The following RSPO2 variants were observed in gnomAD, a reference collection of about 807,000 sequenced individuals.
RSPO2 encodes R-spondin-2.
Under a neutral mutation model 30.9 loss-of-function variants are expected in RSPO2, and 14 were observed. The observed-to-expected ratio is 0.45, with a 90% CI of 0.30 to 0.71. The LOEUF (loss-of-function observed/expected upper bound fraction) is 0.71, where lower values mean the gene tolerates loss of function less well. RSPO2 is among the 30% of genes least tolerant of loss of function. RSPO2 has a pLI of 0.08. For synonymous variants in RSPO2, 107 were observed against 96.4 expected (o/e 1.11, Z -0.64); for missense variants, 264 against 301.9 (o/e 0.87, Z 0.93).
chr8:107,988,043 G>A (rs1009260099), intron 3 of RSPO2, among the ~76,000 whole-genome samples: 1 of 151,822 alleles, frequency 6.6e-6, no homozygotes, highest in Non-Finnish European at 1.5e-5. Flanking sequence ...TAAAATTTGA[G>A]TTCCTTAAAG....
At position 107,955,489 on chromosome 8, in the gene RSPO2, G is replaced by A. The variant is rs189720425; in HGVS notation, c.616+2591C>T. On this transcript the variant is annotated intron_variant, in intron 5 of 5. Coordinates refer to ENST00000276659, the MANE Select transcript of RSPO2 (RefSeq NM_178565.5). ...AAAAAACAAGACAACTGATCTAAAG[G>A]AAAAGTTTGGGAATGAAGACTGAGT... Among the ~76,000 whole-genome samples the A allele has an allele frequency of 2.0e-3, 300 of 152,128 alleles. 2 individuals are homozygous for A. Among genetic ancestry groups the A allele is most frequent in the African/African-American group, 6.8e-3 (282 of 41,492 alleles).
chr8:108,032,497 C>T (rs943207418), intron 2 of RSPO2, among the ~76,000 whole-genome samples: 12 of 152,184 alleles, frequency 7.9e-5, no homozygotes, highest in African/African-American at 2.7e-4. Context: ...GTGTCCTAGT[C>T]ACATACCCTA....
At position 107,900,891 on chromosome 8, in the gene RSPO2, A is replaced by G. The variant is rs2130234192; in HGVS notation, c.*184T>C. ...ACTTACTCCTGCCTTCACAGTCTCC[A>G]GATTCAAATCAAAGCATAAATAACA... On this transcript the variant is annotated 3_prime_UTR_variant, in exon 6 of 6. Transcript: ENST00000276659. The G allele has an allele frequency of 5.0e-6, 3 of 597,538 alleles. No individual in the cohort carries two copies. The highest frequency in any genetic ancestry group is 5.3e-5 in the South Asian group (2 of 37,748). The allele number at this position is 597,538 out of a possible 1,614,324, so 37.0% of individuals were successfully genotyped here.
chr8:107,906,675 T>A (rs552573900), intron 5 of RSPO2, among the ~76,000 whole-genome samples: 1 of 152,080 alleles, frequency 6.6e-6, no homozygotes, highest in Middle Eastern at 3.4e-3. Flanking sequence ...AGAAAGCAGT[T>A]CAAGTGGGCA....
chr8:108,017,803 G>T (rs1000604134), intron 2 of RSPO2, among the ~76,000 whole-genome samples: 12 of 152,112 alleles, frequency 7.9e-5, no homozygotes, highest in Non-Finnish European at 5.9e-5. Flanking sequence ...CAACCTTATG[G>T]AAATAAAGAA....
At chr8:108,078,799 G>A (rs1387595000) in intron 2 of RSPO2, among the ~76,000 whole-genome samples, 1 of 152,122 alleles carries the variant, frequency 6.6e-6, no homozygotes, top group Non-Finnish European at 1.5e-5. Context: ...CCTGCCATCG[G>A]ACCACCAGAA....
chr8:108,044,282 G>A (rs1442227967), intron 2 of RSPO2, among the ~76,000 whole-genome samples: 1 of 152,052 alleles, frequency 6.6e-6, no homozygotes, highest in Non-Finnish European at 1.5e-5. Context: ...ACGCAGGTTT[G>A]TTATATGCAT....
chr8:107,998,371 C>G (rs1815101784), intron 2 of RSPO2, among the ~76,000 whole-genome samples: 1 of 152,042 alleles, frequency 6.6e-6, no homozygotes, highest in African/African-American at 2.4e-5. Flanking sequence ...TGTATACTAC[C>G]AAGCTCAAAC....
intron 5 of RSPO2, among the ~76,000 whole-genome samples, chr8:107,944,057 A>T (rs1348617966): frequency 6.6e-6 from 1 of 152,230 alleles, no homozygotes; most frequent in Non-Finnish European, 1.5e-5. Flanking sequence ...ATTTTGCAAA[A>T]TAGACTCTTC....
intron 3 of RSPO2, among the ~76,000 whole-genome samples, chr8:107,962,066 C>T (rs1044680268): frequency 2.0e-5 from 3 of 152,076 alleles, no homozygotes; most frequent in Non-Finnish European, 2.9e-5. Context: ...CAGTTTTAAC[C>T]GACGCAATTG....
At chr8:107,924,047 G>A (rs1812274259) in intron 5 of RSPO2, among the ~76,000 whole-genome samples, 1 of 151,036 alleles carries the variant, frequency 6.6e-6, no homozygotes, top group Admixed American at 6.6e-5. Flanking sequence ...CTTGACACAA[G>A]TTTACCCATA....
Position 108,000,919 on chromosome 8 carries a change from T to G in RSPO2, c.95-11675A>C, listed in dbSNP as rs938013150. ...CAGGAGGCTGAGGCAGGAGAATGGC[T>G]TGAACCAGGGAGGTGGAGCTTGCAG... On this transcript the variant is annotated intron_variant, in intron 2 of 5. Transcript: ENST00000276659. 1.8e-3 allele frequency among the ~76,000 whole-genome samples: 264 copies of G among 145,394 alleles called. 2 individuals carry two copies. The highest frequency in any genetic ancestry group is 0.014 in the Admixed American group (200 of 14,268).
intron 5 of RSPO2, among the ~76,000 whole-genome samples, chr8:107,941,577 AT>A (rs1319091099): frequency 2.6e-5 from 4 of 152,234 alleles, no homozygotes; most frequent in Non-Finnish European, 4.4e-5. Flanking sequence ...GAAAGCTATC[AT>A]AAATTACTTA....
chr8:107,981,990 T>C (rs1176598951), intron 3 of RSPO2, among the ~76,000 whole-genome samples: 1 of 119,240 alleles, frequency 8.4e-6, no homozygotes, highest in African/African-American at 3.3e-5. Context: ...GAGCTATGAC[T>C]GTGCAACAAC....
intron 3 of RSPO2, among the ~76,000 whole-genome samples, chr8:107,969,897 G>A (rs1332240041): frequency 2.0e-5 from 3 of 151,942 alleles, no homozygotes; most frequent in African/African-American, 4.8e-5. Context: ...GAAGTAGAGC[G>A]GTTTAATCAG....
chr8:107,928,051 T>C (rs1315289657), intron 5 of RSPO2, among the ~76,000 whole-genome samples: 1 of 152,186 alleles, frequency 6.6e-6, no homozygotes, highest in Non-Finnish European at 1.5e-5. Flanking sequence ...ATCTGCTCTA[T>C]ATATATGCCT....
chr8:108,020,708 A>G (rs1006632252), intron 2 of RSPO2, among the ~76,000 whole-genome samples: 12 of 152,216 alleles, frequency 7.9e-5, no homozygotes, highest in Non-Finnish European at 5.9e-5. Flanking sequence ...AAGTATAAAA[A>G]TGATATACAA....
intron 5 of RSPO2, among the ~76,000 whole-genome samples, chr8:107,952,823 C>T (rs746701809): frequency 1.9e-4 from 29 of 152,204 alleles, no homozygotes; most frequent in Non-Finnish European, 4.0e-4. Flanking sequence ...CTTACTACTA[C>T]TACCTTTTTA....
At chr8:107,931,599 A>G (rs1812554747) in intron 5 of RSPO2, among the ~76,000 whole-genome samples, 1 of 152,204 alleles carries the variant, frequency 6.6e-6, no homozygotes, top group Non-Finnish European at 1.5e-5. Context: ...ACTAGTAACA[A>G]GTAACATGAA....
Sources: allele counts gnomAD v4.1 joint callset (sites outside exome capture counted in the v4.1 genomes callset), GRCh38; gene constraint gnomAD v4.1.1; transcripts MANE v1.5; gene names NCBI Gene and HGNC (gene_info 2026-07-23, HGNC 2026-07-21).